CATSPERB: variants seen among roughly 807,000 people sequenced by gnomAD.
CATSPERB encodes the protein catsper channel auxiliary subunit beta, also known as cation channel sperm-associated auxiliary subunit beta.
CATSPERB carries 93 observed loss-of-function variants against 128.3 expected under a neutral mutation model. The observed-to-expected ratio is 0.72, with a 90% CI of 0.61 to 0.86. The LOEUF (loss-of-function observed/expected upper bound fraction) is 0.86, where lower values mean the gene tolerates loss of function less well. CATSPERB is among the 40% of genes least tolerant of loss of function. The pLI is 0.00. For synonymous variants in CATSPERB, 381 were observed against 448.8 expected (o/e 0.85, Z 1.91); for missense variants, 1,153 against 1,329.5 (o/e 0.87, Z 2.06).
intron 14 of CATSPERB, among the ~76,000 whole-genome samples, chr14:91,663,556 A>C (rs1238286513): frequency 6.6e-6 from 1 of 150,556 alleles, no homozygotes; most frequent in African/African-American, 2.5e-5. Flanking sequence ...GAGGCAGAAG[A>C]ATGGCGTGAA....
intron 5 of CATSPERB, among the ~76,000 whole-genome samples, chr14:91,718,782 G>A (rs762432141): frequency 1.3e-5 from 2 of 151,902 alleles, no homozygotes; most frequent in Non-Finnish European, 2.9e-5. Context: ...TTGTCTTTGG[G>A]TTCCATGACT....
At chr14:91,608,526 G>A (rs950594664) in intron 21 of CATSPERB, 122 bp from the exon 22 acceptor site, 3 of 635,776 alleles carry the variant, frequency 4.7e-6, no homozygotes, top group South Asian at 3.9e-5. Flanking sequence ...AGGTATTAAA[G>A]TAAATTTATC....
intron 14 of CATSPERB, among the ~76,000 whole-genome samples, chr14:91,664,814 A>G (rs926749338): frequency 1.1e-4 from 17 of 152,124 alleles, no homozygotes; most frequent in African/African-American, 4.1e-4. Context: ...TCTTAGCTTC[A>G]TTTCAGAGGA....
chr14:91,589,407 C>T, intron 24 of CATSPERB, 127 bp downstream of exon 24: 1 of 835,986 alleles, frequency 1.2e-6, no homozygotes. Context: ...GCCAACTGAT[C>T]CAAATCCATT....
chr14:91,649,466 C>T (rs140465382), intron 15 of CATSPERB, among the ~76,000 whole-genome samples: 6 of 151,328 alleles, frequency 4.0e-5, no homozygotes, highest in Non-Finnish European at 7.4e-5. Flanking sequence ...CCACATCTAG[C>T]CTTCTTTTGC....
rs1490633871 is a variant in CATSPERB at position 91,608,325 on chromosome 14, G to A, written c.2678C>T (p.Pro893Leu). 1 of 1,610,716 alleles carries A rather than the reference G, an allele frequency of 6.2e-7. No individual in the cohort carries two copies. Among genetic ancestry groups the A allele is most frequent in the African/African-American group, 1.3e-5 (1 of 74,958 alleles). The change falls in exon 22 of 27, where the codon CCC becomes CTC. Residue 893 changes from proline (P) to leucine (L), a missense_variant. Coordinates refer to ENST00000256343, the MANE Select transcript of CATSPERB (RefSeq NM_024764.4). ...CATGTGAAACATGTTTCTTGGTATGGGTTTGCTAGGATCTGCATGATAAAA... is the reference window on the plus strand; with the variant it reads ...CATGTGAAACATGTTTCTTGGTATGAGTTTGCTAGGATCTGCATGATAAAA... ...DNFYHADPSK[P>L]IPRNMFHMSK...
chr14:91,708,057 G>A, intron 6 of CATSPERB, 84 bp downstream of exon 6: 3 of 871,008 alleles, frequency 3.4e-6, no homozygotes, highest in Non-Finnish European at 5.8e-6. Flanking sequence ...TAGGACCTTA[G>A]CACAGAATCT....
At chr14:91,606,844 A>C (rs2665348) in intron 22 of CATSPERB, among the ~76,000 whole-genome samples, 119,545 of 151,924 alleles carry the variant, frequency 0.79, 47,390 homozygotes, top group East Asian at 0.9. Context: ...TTAGGTGTAC[A>C]TACATTCCCT....
At chr14:91,603,448 C>T in intron 22 of CATSPERB, 2 of 1,522,860 alleles carry the variant, frequency 1.3e-6, no homozygotes, top group Non-Finnish European at 1.8e-6. Context: ...ACTAGTTATA[C>T]CAGATGAGTG....
rs770710632 is a variant in CATSPERB at position 91,625,024 on chromosome 14, C to A, written c.1743-17G>T. On this transcript the variant is annotated splice_polypyrimidine_tract_variant and intron_variant, in intron 17 of 26. Transcript: ENST00000256343. ...CCAGTTTTCCTAAAAACAAATAAAA[C>A]CATTAAGCAATTTGGATAAAACAGT... is the stretch of plus-strand genomic sequence containing the variant. The A allele has an allele frequency of 4.6e-6, 7 of 1,525,732 alleles. No homozygotes were observed. The highest frequency in any genetic ancestry group is 2.3e-5 in the East Asian group (1 of 43,210). The allele number at this position is 1,525,732 out of a possible 1,614,324, so 94.5% of individuals were successfully genotyped here. A position where few individuals can be genotyped will look rare whatever the true frequency, so the allele number is the denominator to read the frequency against.
intron 13 of CATSPERB, 94 bp downstream of exon 13, chr14:91,672,773 C>A: frequency 1.0e-6 from 1 of 997,410 alleles, no homozygotes; most frequent in South Asian, 2.1e-5. Flanking sequence ...GGTTCTATTG[C>A]CAGACATAAC....
intron 15 of CATSPERB, among the ~76,000 whole-genome samples, chr14:91,642,040 G>GA (rs1894509134): frequency 2.0e-4 from 1 of 5,046 alleles, no homozygotes. Context: ...GAATGCTTGT[G>GA]ATTTTTGTAC....
chr14:91,595,204 A>G (rs1355557852), intron 22 of CATSPERB, among the ~76,000 whole-genome samples: 1 of 152,088 alleles, frequency 6.6e-6, no homozygotes, highest in Non-Finnish European at 1.5e-5. Context: ...ATATTCGTAT[A>G]CAGTGTAGAA....
chr14:91,661,876 A>C (rs1436405151), intron 14 of CATSPERB, among the ~76,000 whole-genome samples: 2 of 152,128 alleles, frequency 1.3e-5, no homozygotes, highest in African/African-American at 4.8e-5. Flanking sequence ...GTTTTGCTGA[A>C]CCAGATTACA....
intron 14 of CATSPERB, among the ~76,000 whole-genome samples, chr14:91,667,321 A>T (rs1895003527): frequency 6.6e-6 from 1 of 152,048 alleles, no homozygotes; most frequent in African/African-American, 2.4e-5. Context: ...AGGAGAGAGG[A>T]GAACAGCAGC....
intron 2 of CATSPERB, among the ~76,000 whole-genome samples, chr14:91,725,813 C>A (rs1227306683): frequency 1.3e-5 from 2 of 152,176 alleles, no homozygotes; most frequent in Non-Finnish European, 2.9e-5. Context: ...AAACCCACAG[C>A]CCTAATGAAA....
In CATSPERB at chr14:91,616,149, G is replaced by T. The variant is rs148500223; in HGVS notation, c.2400+1448C>A. Among the ~76,000 whole-genome samples, 719 of 152,198 alleles carry T rather than the reference G, an allele frequency of 4.7e-3. 4 individuals carry two copies. Among genetic ancestry groups the T allele is most frequent in the African/African-American group, 0.016 (684 of 41,520 alleles). On this transcript the variant is annotated intron_variant, in intron 20 of 26. Transcript: ENST00000256343. ...GCCCACCTTGGCCTCCCAAAGTGCT[G>T]GGATTGCAGGCGTGAGCCACTGCAC...
At chr14:91,687,185 T>C (rs1285692651) in intron 10 of CATSPERB, among the ~76,000 whole-genome samples, 3 of 152,170 alleles carry the variant, frequency 2.0e-5, no homozygotes, top group Non-Finnish European at 4.4e-5. Context: ...AGAGGTGGGA[T>C]AGAGACTTCT....
chr14:91,626,153 G>C (rs971371389), intron 17 of CATSPERB, among the ~76,000 whole-genome samples: 3 of 151,770 alleles, frequency 2.0e-5, no homozygotes, highest in African/African-American at 7.3e-5. Context: ...CTCTAAATGG[G>C]CCACAGACTT....
Sources: allele counts gnomAD v4.1 joint callset (sites outside exome capture counted in the v4.1 genomes callset), GRCh38; gene constraint gnomAD v4.1.1; transcripts MANE v1.5; gene names NCBI Gene and HGNC (gene_info 2026-07-23, HGNC 2026-07-21).